Variants in SPMIP4 observed in about 807,000 individuals in gnomAD.
The protein encoded by SPMIP4 is sperm microtubule inner protein 4.
chr7:25,130,719 C>T, the SPMIP4 span, among the ~76,000 whole-genome samples: 1,842 of 152,234 alleles, frequency 0.012, 34 homozygotes, highest in Middle Eastern at 0.051. Flanking sequence ...GGTTCCTGAA[C>T]AAGTAGGGGG....
the SPMIP4 span, among the ~76,000 whole-genome samples, chr7:25,141,776 C>T: frequency 6.6e-6 from 1 of 151,836 alleles, no homozygotes; most frequent in Non-Finnish European, 1.5e-5. Context: ...CTCGCTCTGT[C>T]GTCTAGGCTG....
the SPMIP4 span, among the ~76,000 whole-genome samples, chr7:25,148,477 CT>C: frequency 0.19 from 24,383 of 127,872 alleles, 2,757 homozygotes; most frequent in African/African-American, 0.36. Flanking sequence ...GAATCTGCCT[CT>C]TTTTTTTTTT....
chr7:25,175,065 G>A, the SPMIP4 span, among the ~76,000 whole-genome samples: 1 of 152,098 alleles, frequency 6.6e-6, no homozygotes, highest in Non-Finnish European at 1.5e-5. Flanking sequence ...AGTTCTCAAT[G>A]TAAGCTGAAA....
At chr7:25,125,920 G>A in the SPMIP4 span, 1 of 985,360 alleles carries the variant, frequency 1.0e-6, no homozygotes, top group Non-Finnish European at 1.2e-6. Context: ...CTTGATGGAC[G>A]CCCCAAGACT....
chr7:25,178,572 T>A, the SPMIP4 span, among the ~76,000 whole-genome samples: 1 of 152,224 alleles, frequency 6.6e-6, no homozygotes, highest in African/African-American at 2.4e-5. Context: ...AAGTCTTTGC[T>A]TACAACATAT....
chr7:25,155,623 G>C, the SPMIP4 span, among the ~76,000 whole-genome samples: 2 of 152,086 alleles, frequency 1.3e-5, no homozygotes. Flanking sequence ...AACCATCTTT[G>C]AATGAACTTT....
At chr7:25,136,785 T>G in the SPMIP4 span, 1 of 1,607,074 alleles carries the variant, frequency 6.2e-7, no homozygotes, top group Non-Finnish European at 8.5e-7. The surrounding 1 kb of genome is among the most constrained non-coding windows in gnomAD (Gnocchi z 5.7). Flanking sequence ...CAGGGTGGAA[T>G]TTTTCTTGCT....
At chr7:25,130,562 C>G in the SPMIP4 span, among the ~76,000 whole-genome samples, 1 of 152,118 alleles carries the variant, frequency 6.6e-6, no homozygotes, top group Non-Finnish European at 1.5e-5. Flanking sequence ...GTTCCGCCCA[C>G]GTCAGCCTCC....
chr7:25,151,799 T>A, the SPMIP4 span: 1 of 576,996 alleles, frequency 1.7e-6, no homozygotes, highest in Non-Finnish European at 3.0e-6. Flanking sequence ...ACATTTTACC[T>A]ATGTAGTTAC....
At chr7:25,155,068 G>T in the SPMIP4 span, 1 of 1,614,000 alleles carries the variant, frequency 6.2e-7, no homozygotes, top group African/African-American at 1.3e-5. Flanking sequence ...GGAGGAAAGG[G>T]CTGCTGGGTG....
the SPMIP4 span, chr7:25,142,774 G>T: frequency 1.9e-6 from 3 of 1,579,922 alleles, no homozygotes; most frequent in Non-Finnish European, 8.5e-7. Context: ...AGGAGGTTTT[G>T]GGTAGAATAC....
the SPMIP4 span, chr7:25,136,305 G>C: frequency 6.2e-7 from 1 of 1,614,152 alleles, no homozygotes; most frequent in Non-Finnish European, 8.5e-7. This position sits in a 1 kb window ranked among gnomAD's most constrained non-coding sequence, Gnocchi z 5.7. Context: ...GGCTAACAGG[G>C]TCTGGACACA....
chr7:25,153,563 C>CAAA, the SPMIP4 span, among the ~76,000 whole-genome samples: 3,736 of 140,874 alleles, frequency 0.027, 63 homozygotes, highest in African/African-American at 0.051. Flanking sequence ...GACTCCGTCT[C>CAAA]AAAAAAAAAA....
At chr7:25,142,719 A>G in the SPMIP4 span, 1 of 1,612,456 alleles carries the variant, frequency 6.2e-7, no homozygotes, top group South Asian at 1.1e-5. Context: ...TGGCAGAGCA[A>G]ATAGGGTCCC....
the SPMIP4 span, among the ~76,000 whole-genome samples, chr7:25,152,341 C>T: frequency 2.0e-5 from 3 of 152,148 alleles, no homozygotes; most frequent in South Asian, 6.2e-4. Context: ...ATAAGCTTTA[C>T]CAAACAGCAT....
chr7:25,164,294 T>C, the SPMIP4 span, among the ~76,000 whole-genome samples: 3 of 152,190 alleles, frequency 2.0e-5, no homozygotes, highest in East Asian at 3.8e-4. Context: ...ATGGTTCCAA[T>C]TGCATTGGAA....
chr7:25,151,360 T>G, the SPMIP4 span, among the ~76,000 whole-genome samples: 1 of 151,938 alleles, frequency 6.6e-6, no homozygotes, highest in African/African-American at 2.4e-5. Flanking sequence ...TAGCTAGGAC[T>G]ACAGGTATGC....
the SPMIP4 span, among the ~76,000 whole-genome samples, chr7:25,138,186 T>C: frequency 6.6e-6 from 1 of 152,166 alleles, no homozygotes; most frequent in Non-Finnish European, 1.5e-5. The surrounding 1 kb of genome is among the most constrained non-coding windows in gnomAD (Gnocchi z 6.2). Context: ...ATTCTTTTGT[T>C]CTTAATCAAT....
At chr7:25,175,101 A>AC in the SPMIP4 span, among the ~76,000 whole-genome samples, 2 of 151,982 alleles carry the variant, frequency 1.3e-5, no homozygotes, top group African/African-American at 4.8e-5. Context: ...ATTCCCTTGC[A>AC]CCCCCTCAGA....
Sources: gnomAD v4.1 joint callset for allele counts (sites outside exome capture counted in the v4.1 genomes callset) on GRCh38, gnomAD v4.1.1 for gene constraint, Gnocchi (gnomAD v3.1) non-coding constraint, MANE v1.5 for transcripts, NCBI Gene and HGNC (gene_info 2026-07-23, HGNC 2026-07-21) for gene names.